TCEA2: variants seen among roughly 807,000 people sequenced by gnomAD.
The protein encoded by TCEA2 is transcription elongation factor A protein 2.
Under a neutral mutation model 40.8 loss-of-function variants are expected in TCEA2, and 21 were observed. The ratio of observed to expected loss-of-function variants is 0.51; its 90% CI spans 0.36 to 0.74. The LOEUF is 0.74. Ranked by LOEUF, TCEA2 falls within the 30% of genes least tolerant of loss-of-function variation. TCEA2 has a pLI of 0.00. For missense variants in TCEA2, 326 were observed against 426.5 expected, an observed-to-expected ratio of 0.76 and a Z score of 2.08; for synonymous variants, 165 against 162.7, an observed-to-expected ratio of 1.01 and a Z score of -0.11.
upstream of TCEA2, chr20:64,063,070 G>C (rs917009147): frequency 7.6e-6 from 2 of 262,834 alleles, no homozygotes; most frequent in Non-Finnish European, 1.4e-5. Context: ...TGCGCGCCGC[G>C]TGGCGCCTGG....
At chr20:64,067,981 G>A in intron 3 of TCEA2, 66 bp from the exon 4 acceptor site, 1 of 1,260,336 alleles carries the variant, frequency 7.9e-7, no homozygotes, top group Non-Finnish European at 1.1e-6. Context: ...CTGTACCTTG[G>A]TGGTGGTCTG....
At position 64,069,850 on chromosome 20, in the gene TCEA2, G is replaced by C. The variant is rs367577048; in HGVS notation, c.517+29G>C. On this transcript the variant is annotated intron_variant, in intron 6 of 9. Coordinates refer to ENST00000343484, the MANE Select transcript of TCEA2 (RefSeq NM_003195.6). ...TCCTTTGGGTAGGGGCTGTGGGCCT[G>C]GGTTTCTGGTGGAGTCAGGAGGCTG... The C allele has an allele frequency of 1.2e-5, 19 of 1,610,354 alleles. No homozygotes were observed. In the African/African-American group the frequency reaches 2.5e-4, roughly 21 times the overall value.
chr20:64,070,699 T>TG, intron 8 of TCEA2, 64 bp downstream of exon 8: 1 of 1,462,650 alleles, frequency 6.8e-7, no homozygotes, highest in South Asian at 1.4e-5. Context: ...TGCCCCTCCT[T>TG]GGAGCCCATG....
chr20:64,071,839 T>C, intron 8 of TCEA2, 31 bp from the exon 9 acceptor site: 1 of 1,611,938 alleles, frequency 6.2e-7, no homozygotes, highest in East Asian at 2.2e-5. Context: ...AGCATGGAGG[T>C]GACCCTGGGT....
At position 64,067,036 on chromosome 20, in the gene TCEA2, T is replaced by C. The variant is rs2059711404; in HGVS notation, c.241+16T>C. 1.2e-6 allele frequency: 2 copies of C among 1,601,712 alleles called. No individual in the cohort carries two copies. The highest frequency in any genetic ancestry group is 1.7e-6 in the Non-Finnish European group (2 of 1,173,624). On this transcript the variant is annotated intron_variant, in intron 3 of 9. Coordinates refer to ENST00000343484, the MANE Select transcript of TCEA2 (RefSeq NM_003195.6). Reference sequence around the variant, plus strand: ...AAGCTCCTGGGTGCGGCTCAGGCGGTGCCCACTGAGTGCTGGGGCAGGGGT... The same window carrying C: ...AAGCTCCTGGGTGCGGCTCAGGCGGCGCCCACTGAGTGCTGGGGCAGGGGT...
At chr20:64,063,677 G>A in intron 1 of TCEA2, 1 of 471,432 alleles carries the variant, frequency 2.1e-6, no homozygotes, top group Non-Finnish European at 3.8e-6. Flanking sequence ...GCAGTCACAG[G>A]CTCCGCACCC....
In TCEA2 at chr20:64,068,155, G is replaced by T. The variant is rs761080906; in HGVS notation, c.329+21G>T. On this transcript the variant is annotated intron_variant, in intron 4 of 9. Transcript: ENST00000343484. ...CCCAGGTAGCACACCTGGAAGGCAGGTGCACACACTTCTGCTTCCCAGCCT... is the reference window on the plus strand; with the variant it reads ...CCCAGGTAGCACACCTGGAAGGCAGTTGCACACACTTCTGCTTCCCAGCCT... 25 of 1,592,212 alleles carry T rather than the reference G, an allele frequency of 1.6e-5. No individual in the cohort carries two copies. The Admixed American group carries it at 2.2e-4, about 14-fold the overall frequency.
rs550911228 is a variant in TCEA2 at position 64,067,791 on chromosome 20, C to T, written c.242-256C>T. Among the ~76,000 whole-genome samples the T allele has an allele frequency of 3.3e-5, 5 of 152,264 alleles. No homozygotes were observed. The South Asian group carries it at 1.0e-3, about 32-fold the overall frequency. ...CAGAGGTGGCCTTTGTGAGTGGGTG[C>T]TTGTACGGGAAAGGGTTCTGGGGAG... On this transcript the variant is annotated intron_variant, in intron 3 of 9. Coordinates refer to ENST00000343484, the MANE Select transcript of TCEA2 (RefSeq NM_003195.6).
chr20:64,072,044 C>A, intron 9 of TCEA2, 103 bp downstream of exon 9: 1 of 1,595,050 alleles, frequency 6.3e-7, no homozygotes, highest in East Asian at 2.2e-5. Context: ...TGGCCCTGCC[C>A]AACCAGCCTC....
chr20:64,065,375 C>T (rs1047375372), intron 1 of TCEA2, among the ~76,000 whole-genome samples: 2 of 152,114 alleles, frequency 1.3e-5, no homozygotes, highest in Non-Finnish European at 2.9e-5. Flanking sequence ...GCCTGTGGGT[C>T]GTGGGACTCT....
At chr20:64,056,647 C>A (rs1176566023), upstream of TCEA2, among the ~76,000 whole-genome samples, 1 of 152,044 alleles carries the variant, frequency 6.6e-6, no homozygotes, top group Non-Finnish European at 1.5e-5. Context: ...GCTGCCTCAG[C>A]CAGAGGGGAA....
At chr20:64,070,081 C>A (rs1456531989) in intron 6 of TCEA2, 179 bp from the exon 7 acceptor site, 1 of 999,568 alleles carries the variant, frequency 1.0e-6, no homozygotes, top group Admixed American at 2.2e-5. Flanking sequence ...AGGAATGGGC[C>A]TGGGGCAGGC....
rs374350848 is a variant in TCEA2 at position 64,069,499 on chromosome 20, C to G, written c.460+8C>G. 6.2e-7 allele frequency: 1 copy of G among 1,611,030 alleles called. No individual in the cohort carries two copies. The highest frequency in any genetic ancestry group is 1.1e-5 in the South Asian group (1 of 90,956). ...CTGCCCTGCAGACGGACCGTGAGTG[C>G]GGCCGGCCCTGGCTCCTGACACCCG... On this transcript the variant is annotated splice_region_variant and intron_variant, in intron 5 of 9. Coordinates refer to ENST00000343484, the MANE Select transcript of TCEA2 (RefSeq NM_003195.6).
intron 1 of TCEA2, chr20:64,063,653 CCCCT>C: frequency 2.0e-6 from 1 of 508,456 alleles, no homozygotes; most frequent in Non-Finnish European, 3.5e-6. Flanking sequence ...TGGACTCAGA[CCCCT>C]CCCTCGCCCG....
intron 3 of TCEA2, 128 bp from the exon 4 acceptor site, chr20:64,067,919 G>A (rs2059733291): frequency 1.5e-6 from 1 of 679,594 alleles, no homozygotes. Flanking sequence ...GGCTGGGTGA[G>A]GGGCTGGGGG....
At chr20:64,069,151 TCTCC>T (rs2059765815) in intron 4 of TCEA2, among the ~76,000 whole-genome samples, 1 of 152,310 alleles carries the variant, frequency 6.6e-6, no homozygotes, top group East Asian at 1.9e-4. Context: ...CTCATGGCCC[TCTCC>T]CTCCTGGCTG....
intron 6 of TCEA2, 159 bp from the exon 7 acceptor site, chr20:64,070,101 C>A: frequency 8.7e-7 from 1 of 1,151,376 alleles, no homozygotes; most frequent in Non-Finnish European, 1.2e-6. Context: ...CTTGGCCCTG[C>A]AGCCCTTCAC....
intron 6 of TCEA2, 109 bp downstream of exon 6, chr20:64,069,930 G>A: frequency 7.2e-7 from 1 of 1,387,466 alleles, no homozygotes; most frequent in Non-Finnish European, 1.0e-6. Flanking sequence ...CTGTCCAGGG[G>A]TCACCTGCCT....
intron 1 of TCEA2, among the ~76,000 whole-genome samples, chr20:64,064,982 T>TG (rs1222214193): frequency 1.3e-5 from 2 of 151,692 alleles, no homozygotes; most frequent in African/African-American, 2.4e-5. Flanking sequence ...GCAGAACTGA[T>TG]GGGGGGTTTC....
Sources: allele counts gnomAD v4.1 joint callset (sites outside exome capture counted in the v4.1 genomes callset), GRCh38; gene constraint gnomAD v4.1.1; transcripts MANE v1.5; gene names NCBI Gene and HGNC (gene_info 2026-07-23, HGNC 2026-07-21).